The following MYBL2 variants were observed in gnomAD, a reference collection of about 807,000 sequenced individuals.
MYBL2 encodes MYB proto-oncogene like 2.
A neutral mutation model predicts 79.9 loss-of-function variants in MYBL2; 28 were observed. That is an observed-to-expected ratio of 0.35 (90% CI 0.26 to 0.48). MYBL2 has a LOEUF of 0.48. Among genes scored for constraint, MYBL2 ranks in the 20% least tolerant of loss-of-function variants. The pLI is 0.99. For missense variants in MYBL2, 735 were observed against 893.9 expected, an observed-to-expected ratio of 0.82 and a Z score of 2.27; for synonymous variants, 378 against 361.2, an observed-to-expected ratio of 1.05 and a Z score of -0.53.
chr20:43,715,529 T>C (rs1424016614), intron 13 of MYBL2, among the ~76,000 whole-genome samples: 1 of 152,230 alleles, frequency 6.6e-6, no homozygotes, highest in Non-Finnish European at 1.5e-5. Context: ...CTACATTCTG[T>C]AGAGATACCC....
At chr20:43,672,172 C>G (rs1986877204) in intron 1 of MYBL2, among the ~76,000 whole-genome samples, 1 of 8,614 alleles carries the variant, frequency 1.2e-4, no homozygotes, top group African/African-American at 2.4e-4. Context: ...GATGTCGCCA[C>G]TTCACTCTAG....
rs184329433 is a variant in MYBL2 at position 43,687,460 on chromosome 20, A to C, written c.500+388A>C. Among the ~76,000 whole-genome samples the C allele has an allele frequency of 2.8e-3, 422 of 152,278 alleles. 4 individuals carry two copies. The highest frequency in any genetic ancestry group is 9.7e-3 in the African/African-American group (405 of 41,564). ...TTTCTTTAAGAAGAAAATGATCAAA[A>C]ATCAGGTAGTACTATAATCTGCTAA... On this transcript the variant is annotated intron_variant, in intron 5 of 13. Transcript: ENST00000217026.
At chr20:43,706,706 A>AC (rs200104060) in intron 9 of MYBL2, among the ~76,000 whole-genome samples, 7 of 13,602 alleles carry the variant, frequency 5.1e-4, no homozygotes, top group African/African-American at 1.9e-3. Context: ...GTCTGTACAC[A>AC]AAAAAAAAAA....
intron 9 of MYBL2, 73 bp from the exon 10 acceptor site, chr20:43,709,890 G>T: frequency 7.9e-7 from 1 of 1,257,912 alleles, no homozygotes; most frequent in South Asian, 1.5e-5. Context: ...GGGGGAAGGT[G>T]GAGCCAGGGC....
At chr20:43,691,305 A>T (rs1987400403) in intron 5 of MYBL2, among the ~76,000 whole-genome samples, 1 of 152,094 alleles carries the variant, frequency 6.6e-6, no homozygotes, top group African/African-American at 2.4e-5. Flanking sequence ...TTTTTAAAAA[A>T]TTTAAAATTT....
intron 11 of MYBL2, 60 bp from the exon 12 acceptor site, chr20:43,712,942 G>A (rs570453272): frequency 2.2e-6 from 3 of 1,345,874 alleles, no homozygotes; most frequent in East Asian, 2.4e-5. Context: ...GACCATCCAG[G>A]TGCTGACCAT....
At chr20:43,676,965 G>C (rs1987025361) in intron 2 of MYBL2, among the ~76,000 whole-genome samples, 1 of 151,960 alleles carries the variant, frequency 6.6e-6, no homozygotes, top group Non-Finnish European at 1.5e-5. Flanking sequence ...GCCCAGGCTG[G>C]TCTCCTGGGC....
At chr20:43,667,328 GCCCCTCCCCCTCCCTTTAACTCA>G (rs1289316236) in intron 1 of MYBL2, 25 bp downstream of exon 1, 12 of 1,228,266 alleles carry the variant, frequency 9.8e-6, no homozygotes, top group Non-Finnish European at 1.2e-5. Context: ...GAGGGCTTGG[GCCCCTCCCCCTCCCTTTAACTCA>G]CCCCTCCCCC....
chr20:43,667,695 A>C (rs918308158), intron 1 of MYBL2, among the ~76,000 whole-genome samples: 1 of 152,178 alleles, frequency 6.6e-6, no homozygotes, highest in Non-Finnish European at 1.5e-5. Flanking sequence ...GGAGTCTTCA[A>C]GTCCCAGCCA....
intron 8 of MYBL2, 30 bp downstream of exon 8, chr20:43,702,933 GGGTC>G: frequency 3.2e-6 from 5 of 1,562,240 alleles, no homozygotes; most frequent in Non-Finnish European, 4.4e-6. Context: ...GCTGCTTATT[GGGTC>G]GGTACAGACA....
At chr20:43,705,761 C>T (rs979630958) in intron 9 of MYBL2, among the ~76,000 whole-genome samples, 3 of 151,334 alleles carry the variant, frequency 2.0e-5, no homozygotes, top group African/African-American at 7.3e-5. Flanking sequence ...AGTGCAATGG[C>T]GCGATCTTGG....
At chr20:43,706,535 A>C (rs1375699240) in intron 9 of MYBL2, among the ~76,000 whole-genome samples, 1 of 151,894 alleles carries the variant, frequency 6.6e-6, no homozygotes, top group African/African-American at 2.4e-5. Context: ...ATAGTGATAC[A>C]TAATTTCGGG....
At chr20:43,709,261 G>C (rs1987852799) in intron 9 of MYBL2, among the ~76,000 whole-genome samples, 1 of 152,156 alleles carries the variant, frequency 6.6e-6, no homozygotes, top group Admixed American at 6.5e-5. Context: ...CGTGTTTGTG[G>C]AACCTGGTAG....
At chr20:43,702,423 G>A (rs1034412762) in intron 7 of MYBL2, 67 bp from the exon 8 acceptor site, 33 of 1,473,630 alleles carry the variant, frequency 2.2e-5, no homozygotes, top group East Asian at 4.6e-5. Flanking sequence ...AATATTTCCC[G>A]TAATGAATGA....
intron 1 of MYBL2, chr20:43,673,566 G>GT (rs1235921969): frequency 8.8e-6 from 5 of 568,370 alleles, no homozygotes; most frequent in African/African-American, 1.9e-5. Context: ...GAGTCCAGGA[G>GT]TTCAAGGCTG....
intron 1 of MYBL2, among the ~76,000 whole-genome samples, chr20:43,672,163 A>T (rs1986876743): frequency 5.3e-5 from 1 of 18,762 alleles, no homozygotes; most frequent in Non-Finnish European, 1.5e-4. Flanking sequence ...GTGAGCTGAG[A>T]TGTCGCCACT....
At chr20:43,671,948 G>T (rs113120548) in intron 1 of MYBL2, among the ~76,000 whole-genome samples, 1 of 151,388 alleles carries the variant, frequency 6.6e-6, no homozygotes, top group Non-Finnish European at 1.5e-5. Flanking sequence ...GGTGGCTCAC[G>T]CCTGTAATCC....
At chr20:43,714,134 A>G (rs1444205840) in intron 12 of MYBL2, among the ~76,000 whole-genome samples, 1 of 152,106 alleles carries the variant, frequency 6.6e-6, no homozygotes, top group Non-Finnish European at 1.5e-5. Context: ...TTGAGTTATG[A>G]CACCATCACT....
intron 6 of MYBL2, among the ~76,000 whole-genome samples, chr20:43,698,062 T>A (rs1987587101): frequency 8.0e-5 from 1 of 12,574 alleles, no homozygotes; most frequent in Non-Finnish European, 2.3e-4. Context: ...CTTGGTTGTC[T>A]TTTTTTTTTT....
Sources: allele counts gnomAD v4.1 joint callset (sites outside exome capture counted in the v4.1 genomes callset), GRCh38; gene constraint gnomAD v4.1.1; transcripts MANE v1.5; gene names NCBI Gene and HGNC (gene_info 2026-07-23, HGNC 2026-07-21).